CD300LG: variants seen among roughly 807,000 people sequenced by gnomAD.
The protein encoded by CD300LG is CMRF35-like molecule 9.
A neutral mutation model predicts 31.5 loss-of-function variants in CD300LG; 29 were observed. That is an observed-to-expected ratio of 0.92 (90% CI 0.68 to 1.25). The LOEUF (loss-of-function observed/expected upper bound fraction) is 1.25. CD300LG is among the 50% of genes most tolerant of loss of function. The pLI, the probability that CD300LG is intolerant of heterozygous loss-of-function variation, is 0.00. For missense variants in CD300LG, 396 were observed against 417.6 expected (o/e 0.95, Z 0.45); for synonymous variants, 175 against 177.2 (o/e 0.99, Z 0.10).
chr17:43,850,836 G>A (rs1175559809), intron 2 of CD300LG, among the ~76,000 whole-genome samples: 3 of 152,094 alleles, frequency 2.0e-5, no homozygotes. Context: ...AATGAAATAT[G>A]CAAGATTAAG....
intron 6 of CD300LG, chr17:43,858,134 G>A (rs560686552): frequency 9.9e-5 from 130 of 1,308,928 alleles, no homozygotes; most frequent in Middle Eastern, 3.0e-4. Context: ...CTTTCCTGGC[G>A]CCAGTGAGGA....
At chr17:43,851,078 G>A (rs920193387) in intron 2 of CD300LG, among the ~76,000 whole-genome samples, 3 of 141,510 alleles carry the variant, frequency 2.1e-5, no homozygotes, top group Non-Finnish European at 4.5e-5. Context: ...AGGTTGCAGT[G>A]AGCCAAGATC....
intron 2 of CD300LG, among the ~76,000 whole-genome samples, chr17:43,852,688 C>T (rs2046393178): frequency 6.6e-6 from 1 of 152,204 alleles, no homozygotes; most frequent in Non-Finnish European, 1.5e-5. Flanking sequence ...GGCTGAGAGG[C>T]AGGTGGGTTT....
intron 6 of CD300LG, among the ~76,000 whole-genome samples, chr17:43,860,561 G>A (rs2046631379): frequency 1.3e-5 from 2 of 152,186 alleles, no homozygotes; most frequent in African/African-American, 4.8e-5. Context: ...AGGACCCATG[G>A]GAGCAGCCAG....
intron 3 of CD300LG, 41 bp downstream of exon 3, chr17:43,853,054 C>T: frequency 2.6e-6 from 4 of 1,544,546 alleles, no homozygotes; most frequent in Non-Finnish European, 3.6e-6. Context: ...TGCCACCCTT[C>T]TTACAGAAGC....
rs1041024405 is a variant in CD300LG, at chr17:43,858,260, C to T, written c.885+1104C>T. 7 of 1,052,466 alleles carry T rather than the reference C, an allele frequency of 6.7e-6. No homozygotes were observed. In the South Asian group the frequency reaches 1.7e-4, roughly 26 times the overall value. 65.2% of individuals were successfully genotyped at this position (1,052,466 alleles called of 1,614,324 possible). On this transcript the variant is annotated intron_variant, in intron 6 of 6. Coordinates refer to ENST00000317310, the MANE Select transcript of CD300LG (RefSeq NM_145273.4). Reference sequence around the variant, plus strand: ...GGAAGCTCAACAGGGCCAAAGGTAGCAGAGGAGAGTAAGGGAAAAGTCATG... The same window carrying T: ...GGAAGCTCAACAGGGCCAAAGGTAGTAGAGGAGAGTAAGGGAAAAGTCATG...
Position 43,853,963 on chromosome 17 carries a change from G to T in CD300LG, c.638G>T (p.Ser213Ile). The change falls in exon 4 of 7, where the codon AGC (serine) becomes ATC (isoleucine). Residue 213 changes from serine to isoleucine, a missense_variant. Physicochemically the swap from Ser to Ile is moderately radical, Grantham distance 142. Coordinates refer to ENST00000317310, the MANE Select transcript of CD300LG (RefSeq NM_145273.4). ...CCAGCGACCTCTCCTCCTGCAGGGAGCTCCCGCCCCCCCATGCAGCTGGAC... is the reference window on the plus strand; with the variant it reads ...CCAGCGACCTCTCCTCCTGCAGGGATCTCCCGCCCCCCCATGCAGCTGGAC... ...PHPATSPPAG[S>I]SRPPMQLDST... is the part of the protein sequence containing the mutation. 6.2e-7 allele frequency: 1 copy of T among 1,614,134 alleles called. No individual in the cohort carries two copies. The highest frequency in any genetic ancestry group is 1.6e-4 in the Middle Eastern group (1 of 6,062).
chr17:43,853,000 GC>G lies in CD300LG; in HGVS notation c.473del (p.Pro158GlnfsTer3). The stretch of plus-strand genomic sequence containing the variant: ...CCAAGGCAAAAGCTCAGCAAACCCA[GC>G]CCCCAGGATTGAGTGAGTGAATGGC... ...QPKAKAQQTQ[P>X]PGLTSPGLYP... On this transcript the variant is annotated frameshift_variant, in exon 3 of 7. Transcript: ENST00000317310. LOFTEE classifies it high-confidence loss of function. 2 of 1,611,470 alleles carry G rather than the reference GC, an allele frequency of 1.2e-6. No homozygotes were observed. The highest frequency in any genetic ancestry group is 1.7e-6 in the Non-Finnish European group (2 of 1,178,786).
chr17:43,861,164 G>T (rs1016441877), intron 6 of CD300LG: 1 of 985,360 alleles, frequency 1.0e-6, no homozygotes, highest in East Asian at 1.1e-4. Flanking sequence ...CCCAGAGGAC[G>T]CTGTGATCAA....
At chr17:43,861,153 A>T in intron 6 of CD300LG, 1 of 985,242 alleles carries the variant, frequency 1.0e-6, no homozygotes, top group Non-Finnish European at 1.2e-6. Flanking sequence ...AATGGCCGGG[A>T]CCCAGAGGAC....
chr17:43,854,626 G>A (rs1598397053), intron 4 of CD300LG, among the ~76,000 whole-genome samples: 1 of 152,078 alleles, frequency 6.6e-6, no homozygotes, highest in East Asian at 1.9e-4. Flanking sequence ...GACATGGCTT[G>A]ACTCACAGTA....
intron 2 of CD300LG, among the ~76,000 whole-genome samples, chr17:43,850,907 C>T (rs770201494): frequency 5.3e-5 from 8 of 152,100 alleles, no homozygotes; most frequent in South Asian, 2.1e-4. Context: ...GAGGTCAAGG[C>T]GGGTGGATCA....
In CD300LG at chr17:43,861,913, G is replaced by A. The variant is rs377287900; in HGVS notation, c.*2G>A. On this transcript the variant is annotated 3_prime_UTR_variant, in exon 7 of 7. Coordinates refer to ENST00000317310, the MANE Select transcript of CD300LG (RefSeq NM_145273.4). ...TTCTCGAAGTTTGTCTCAGCGTAGG[G>A]CAGGAGGCCCTCCTGGCCAGGCCAG... 1 of 1,600,066 alleles carries A rather than the reference G, an allele frequency of 6.2e-7. No individual in the cohort carries two copies. Among genetic ancestry groups the A allele is most frequent in the African/African-American group, 1.3e-5 (1 of 74,664 alleles).
In CD300LG at chr17:43,852,953, C is replaced by G; in HGVS notation, c.421C>G (p.Leu141Val). Reference sequence around the variant, plus strand: ...CTCCCCTTCTCCCACCTTCCAGCCTCTGGCTACAACACGCCTGCAGCCCAA... The same window carrying G: ...CTCCCCTTCTCCCACCTTCCAGCCTGTGGCTACAACACGCCTGCAGCCCAA... Reference protein sequence around the residue: ...PPSPSPTFQPLATTRLQPKAK... With the variant: ...PPSPSPTFQPVATTRLQPKAK... Residue 141 changes from leucine (L) to valine (V), a missense_variant, in exon 3 of 7, where the codon CTG becomes GTG. By Grantham distance (32) the Leu-to-Val change is conservative. Transcript: ENST00000317310. 6.2e-7 allele frequency: 1 copy of G among 1,613,098 alleles called. No individual in the cohort carries two copies.
intron 6 of CD300LG, among the ~76,000 whole-genome samples, chr17:43,859,750 T>A (rs1276165150): frequency 6.6e-6 from 1 of 152,168 alleles, no homozygotes; most frequent in Non-Finnish European, 1.5e-5. Flanking sequence ...GGGCCCTAAG[T>A]GGCAGCATTT....
At chr17:43,854,264 A>C (rs1280528950) in intron 4 of CD300LG, among the ~76,000 whole-genome samples, 4 of 152,226 alleles carry the variant, frequency 2.6e-5, no homozygotes, top group Admixed American at 6.5e-5. Flanking sequence ...TGAAGGGTCC[A>C]CCAGGATCCC....
At chr17:43,847,360 T>C in intron 1 of CD300LG, 101 bp downstream of exon 1, 1 of 720,698 alleles carries the variant, frequency 1.4e-6, no homozygotes, top group Non-Finnish European at 2.2e-6. Context: ...CCACCTATCC[T>C]CAGCCTCCTC....
intron 2 of CD300LG, 105 bp from the exon 3 acceptor site, chr17:43,852,807 C>T: frequency 1.2e-6 from 1 of 819,886 alleles, no homozygotes. Context: ...GATGGCAGTG[C>T]TCTGTGCTGA....
At position 43,848,833 on chromosome 17, in the gene CD300LG, T is replaced by C. The variant is rs1295760817; in HGVS notation, c.319T>C (p.Cys107Arg). The C allele has an allele frequency of 3.1e-6, 5 of 1,613,838 alleles. No individual in the cohort carries two copies. Among genetic ancestry groups the C allele is most frequent in the South Asian group, 2.2e-5 (2 of 91,064 alleles). Reference sequence around the variant, plus strand: ...CCTGCAAGACGCTGGGGAGTACTGGTGTGGGGTCGAAAAACGGGGCCCCGA... The same window carrying C: ...CCTGCAAGACGCTGGGGAGTACTGGCGTGGGGTCGAAAAACGGGGCCCCGA... ...LTLQDAGEYW[C>R]GVEKRGPDES... The change falls in exon 2 of 7, where the codon TGT becomes CGT. Residue 107 changes from cysteine (C) to arginine (R), a missense_variant. Physicochemically the swap from Cys to Arg is radical, Grantham distance 180. Coordinates refer to ENST00000317310, the MANE Select transcript of CD300LG (RefSeq NM_145273.4).
Sources: gnomAD v4.1 joint callset for allele counts (sites outside exome capture counted in the v4.1 genomes callset) on GRCh38, gnomAD v4.1.1 for gene constraint, MANE v1.5 for transcripts, NCBI Gene and HGNC (gene_info 2026-07-23, HGNC 2026-07-21) for gene names.